The following KCNK12 variants were observed in gnomAD, a reference collection of about 807,000 sequenced individuals.
KCNK12 encodes the protein potassium channel subfamily K member 12.
In KCNK12, 6 loss-of-function variants were observed where a neutral mutation model predicts 25.3. That is an observed-to-expected ratio of 0.24 (90% confidence interval 0.13 to 0.47). KCNK12 has a LOEUF of 0.47. Ranked by LOEUF, KCNK12 falls within the 20% of genes least tolerant of loss-of-function variation. The pLI is 0.99. For synonymous variants in KCNK12, 331 were observed against 311.1 expected (o/e 1.06, Z -0.67); for missense variants, 444 against 661.7 (o/e 0.67, Z 3.61).
At chr2:47,550,885 G>C (rs1468902093) in intron 1 of KCNK12, among the ~76,000 whole-genome samples, 3 of 152,016 alleles carry the variant, frequency 2.0e-5, no homozygotes, top group Non-Finnish European at 4.4e-5. Context: ...TATTTCAAAA[G>C]CCTGCTAATG....
rs372511487 is a variant in KCNK12 at position 47,570,140 on chromosome 2, G to C, written c.192C>G (p.Gly64=). 2.1e-6 allele frequency: 3 copies of C among 1,452,880 alleles called. No individual in the cohort carries two copies. Among genetic ancestry groups the C allele is most frequent in the Non-Finnish European group, 1.8e-6 (2 of 1,104,068 alleles). 90.0% of individuals were successfully genotyped at this position (1,452,880 alleles called of 1,614,324 possible). A position where few individuals can be genotyped will look rare whatever the true frequency, so the allele number is the denominator to read the frequency against. The part of the protein sequence containing the change: ...ATVFSALESP[G]EAEARARWGA... ...CCCAGCGCGCCCGCGCCTCCGCCTCGCCGGGGCTCTCGAGCGCCGAGAAGA... is the reference window on the plus strand; with the variant it reads ...CCCAGCGCGCCCGCGCCTCCGCCTCCCCGGGGCTCTCGAGCGCCGAGAAGA... The change falls in exon 1 of 2, where the codon GGC becomes GGG. Residue 64 remains glycine, a synonymous_variant. Transcript: ENST00000327876.
Position 47,520,822 on chromosome 2 carries a change from A to G in KCNK12, c.*85T>C, listed in dbSNP as rs1668635195. 1.1e-6 allele frequency: 1 copy of G among 940,058 alleles called. No homozygotes were observed. The highest frequency in any genetic ancestry group is 1.4e-6 in the Non-Finnish European group (1 of 720,820). The allele number at this position is 940,058 out of a possible 1,614,324, so 58.2% of individuals were successfully genotyped here. A position where few individuals can be genotyped will look rare whatever the true frequency, so the allele number is the denominator to read the frequency against. On this transcript the variant is annotated 3_prime_UTR_variant, in exon 2 of 2. Transcript: ENST00000327876. The surrounding 1 kb of genome is among the most constrained non-coding windows in gnomAD (Gnocchi z 5.0). ...CATTTTATTGGATAAAGATTAAGAA[A>G]GCGCCAGCAGTGACTGAGAGAAGCA...
chr2:47,529,647 ATGAC>A lies in KCNK12; in HGVS notation c.392-7843_392-7840del, dbSNP rs1205852837. On this transcript the variant is annotated intron_variant, in intron 1 of 1. Transcript: ENST00000327876. This position sits in a 1 kb window ranked among gnomAD's most constrained non-coding sequence, Gnocchi z 4.3. ...AATCAGGATAATCCAGTTCCTTACC[ATGAC>A]TGGCTCAAGAATGGGTAGACCTAAG... 1.3e-5 allele frequency among the ~76,000 whole-genome samples: 2 copies of A among 152,336 alleles called. No individual in the cohort carries two copies. Among genetic ancestry groups the A allele is most frequent in the East Asian group, 3.9e-4 (2 of 5,180 alleles).
Position 47,520,859 on chromosome 2 carries a change from G to T in KCNK12, c.*48C>A. On this transcript the variant is annotated 3_prime_UTR_variant, in exon 2 of 2. Transcript: ENST00000327876. This position sits in a 1 kb window ranked among gnomAD's most constrained non-coding sequence, Gnocchi z 5.0. Reference sequence around the variant, plus strand: ...GACTGAGAGAAGCAAACCACGCCCGGCGGCCCCGCGGCCTGGAGAGGGTCC... The same window carrying T: ...GACTGAGAGAAGCAAACCACGCCCGTCGGCCCCGCGGCCTGGAGAGGGTCC... 1 of 1,189,710 alleles carries T rather than the reference G, an allele frequency of 8.4e-7. No homozygotes were observed. Among genetic ancestry groups the T allele is most frequent in the Non-Finnish European group, 1.1e-6 (1 of 948,710 alleles). 73.7% of individuals were successfully genotyped at this position (1,189,710 alleles called of 1,614,324 possible). A position where few individuals can be genotyped will look rare whatever the true frequency, so the allele number is the denominator to read the frequency against.
Position 47,510,888 on chromosome 2 carries a change from T to G in KCNK12, c.*10019A>C, listed in dbSNP as rs1210474703. Reference sequence around the variant, plus strand: ...CTGGGTGAAGCACAGAGCAGCCTAGTGCTTGGCATGGGACTCAGATCTGAA... The same window carrying G: ...CTGGGTGAAGCACAGAGCAGCCTAGGGCTTGGCATGGGACTCAGATCTGAA... On this transcript the variant is annotated 3_prime_UTR_variant, in exon 2 of 2. Coordinates refer to ENST00000327876, the MANE Select transcript of KCNK12 (RefSeq NM_022055.2). 2 of 152,240 alleles carry G rather than the reference T, an allele frequency of 1.3e-5. No individual in the cohort carries two copies. Among genetic ancestry groups the G allele is most frequent in the African/African-American group, 4.8e-5 (2 of 41,452 alleles). The allele number at this position is 152,240 out of a possible 1,614,324, so 9.4% of individuals were successfully genotyped here. A position where few individuals can be genotyped will look rare whatever the true frequency, so the allele number is the denominator to read the frequency against.
rs1669524498 is a variant in KCNK12, at chr2:47,555,081, T to C, written c.391+14860A>G. Among the ~76,000 whole-genome samples, 1 of 152,218 alleles carries C rather than the reference T, an allele frequency of 6.6e-6. No homozygotes were observed. Among genetic ancestry groups the C allele is most frequent in the Non-Finnish European group, 1.5e-5 (1 of 68,042 alleles). Reference sequence around the variant, plus strand: ...TATAGCAGGAATCAGGAGTTCTATTTTGGGCTTTTAAAAGTTTTGATACAT... The same window carrying C: ...TATAGCAGGAATCAGGAGTTCTATTCTGGGCTTTTAAAAGTTTTGATACAT... On this transcript the variant is annotated intron_variant, in intron 1 of 1. Transcript: ENST00000327876. The surrounding 1 kb of genome is among the most constrained non-coding windows in gnomAD (Gnocchi z 4.5).
intron 1 of KCNK12, among the ~76,000 whole-genome samples, chr2:47,526,403 C>T (rs1381143072): frequency 9.6e-6 from 1 of 104,664 alleles, no homozygotes; most frequent in Non-Finnish European, 1.9e-5. Flanking sequence ...GAGACTCCCT[C>T]AGAAAAAAAA....
At chr2:47,539,197 C>T (rs528723656) in intron 1 of KCNK12, among the ~76,000 whole-genome samples, 5 of 152,332 alleles carry the variant, frequency 3.3e-5, no homozygotes, top group African/African-American at 9.6e-5. Flanking sequence ...GCTTGCATGA[C>T]ACCAATCTTC....
chr2:47,570,010 C>A lies in KCNK12; in HGVS notation c.322G>T (p.Asp108Tyr). The change falls in exon 1 of 2, where the codon GAC becomes TAC. Residue 108 changes from aspartate to tyrosine, a missense_variant. Transcript: ENST00000327876. ...EAALAAGVRADALRPRWDFPG... is the reference protein window; with the variant it reads ...EAALAAGVRAYALRPRWDFPG... ...AAGTCCCAGCGCGGGCGCAGCGCGTCGGCGCGGACGCCGGCGGCCAGCGCG... is the reference window on the plus strand; with the variant it reads ...AAGTCCCAGCGCGGGCGCAGCGCGTAGGCGCGGACGCCGGCGGCCAGCGCG... The A allele has an allele frequency of 1.4e-6, 2 of 1,429,514 alleles. No homozygotes were observed. The highest frequency in any genetic ancestry group is 3.1e-5 in the Admixed American group (1 of 32,518). The allele number at this position is 1,429,514 out of a possible 1,614,324, so 88.6% of individuals were successfully genotyped here. A position where few individuals can be genotyped will look rare whatever the true frequency, so the allele number is the denominator to read the frequency against.
At position 47,570,394 on chromosome 2, in the gene KCNK12, G is replaced by A. The variant is rs909360637; in HGVS notation, c.-63C>T. The stretch of plus-strand genomic sequence containing the variant: ...GGGCCCGGGCCACGACATCCCCCCG[G>A]CGGGAGCAGGAGCGTGAGGATGGTG... On this transcript the variant is annotated 5_prime_UTR_variant, in exon 1 of 2. Transcript: ENST00000327876. The A allele has an allele frequency of 9.9e-6, 12 of 1,211,326 alleles. No individual in the cohort carries two copies. The highest frequency in any genetic ancestry group is 1.2e-5 in the Non-Finnish European group (12 of 976,096). 75.0% of individuals were successfully genotyped at this position (1,211,326 alleles called of 1,614,324 possible). A position where few individuals can be genotyped will look rare whatever the true frequency, so the allele number is the denominator to read the frequency against.
intron 1 of KCNK12, among the ~76,000 whole-genome samples, chr2:47,526,405 G>GGA (rs1553377599): frequency 6.6e-5 from 6 of 90,898 alleles, no homozygotes; most frequent in South Asian, 3.8e-4. Context: ...GACTCCCTCA[G>GGA]AAAAAAAAAA....
rs1668849589 is a variant in KCNK12 at position 47,528,726 on chromosome 2, A to T, written c.392-6918T>A. Reference sequence around the variant, plus strand: ...AGACACTTGGGGGCTTTATTATGCCACTTTGACAAAAGCTGTGAAGCTCGT... The same window carrying T: ...AGACACTTGGGGGCTTTATTATGCCTCTTTGACAAAAGCTGTGAAGCTCGT... On this transcript the variant is annotated intron_variant, in intron 1 of 1. Transcript: ENST00000327876. The surrounding 1 kb of genome is among the most constrained non-coding windows in gnomAD (Gnocchi z 4.5). Among the ~76,000 whole-genome samples the T allele has an allele frequency of 6.6e-6, 1 of 152,218 alleles. No individual in the cohort carries two copies. Among genetic ancestry groups the T allele is most frequent in the East Asian group, 1.9e-4 (1 of 5,196 alleles).
At position 47,511,904 on chromosome 2, in the gene KCNK12, T is replaced by C. The variant is rs1203546437; in HGVS notation, c.*9003A>G. On this transcript the variant is annotated 3_prime_UTR_variant, in exon 2 of 2. Transcript: ENST00000327876. The surrounding 1 kb of genome is among the most constrained non-coding windows in gnomAD (Gnocchi z 4.3). ...AATGGGGTTAGTGCAATTGACGAGC[T>C]GAAAATGTAGTTTAAATTCACTTAC... Among the ~76,000 whole-genome samples, 3 of 152,230 alleles carry C rather than the reference T, an allele frequency of 2.0e-5. No homozygotes were observed. Among genetic ancestry groups the C allele is most frequent in the Non-Finnish European group, 4.4e-5 (3 of 68,040 alleles).
At position 47,512,152 on chromosome 2, in the gene KCNK12, TG is replaced by T; in HGVS notation, c.*8754del. The stretch of plus-strand genomic sequence containing the variant: ...TCTTTCCATCCTGCATCCAGATGGC[TG>T]GTCCTGCTCCTCCCAGTCCATGGAG... On this transcript the variant is annotated 3_prime_UTR_variant, in exon 2 of 2. Coordinates refer to ENST00000327876, the MANE Select transcript of KCNK12 (RefSeq NM_022055.2). 1.1e-6 allele frequency: 1 copy of T among 924,474 alleles called. No individual in the cohort carries two copies. Among genetic ancestry groups the T allele is most frequent in the Non-Finnish European group, 1.6e-6 (1 of 636,528 alleles). The allele number at this position is 924,474 out of a possible 1,614,324, so 57.3% of individuals were successfully genotyped here.
intron 1 of KCNK12, among the ~76,000 whole-genome samples, chr2:47,549,413 G>A (rs1364151835): frequency 1.3e-5 from 2 of 152,112 alleles, no homozygotes; most frequent in Admixed American, 1.3e-4. Flanking sequence ...ATGATGTTCT[G>A]ATCTCTAATA....
In KCNK12 at chr2:47,556,145, T is replaced by C. The variant is rs1166606002; in HGVS notation, c.391+13796A>G. ...AAATGGGAAAGTAGCAGGAGGGTGA[T>C]GCAGGGTCTATTAAGAAGGAAGAAT... On this transcript the variant is annotated intron_variant, in intron 1 of 1. Coordinates refer to ENST00000327876, the MANE Select transcript of KCNK12 (RefSeq NM_022055.2). The surrounding 1 kb of genome is among the most constrained non-coding windows in gnomAD (Gnocchi z 4.8). 2.0e-5 allele frequency among the ~76,000 whole-genome samples: 3 copies of C among 152,166 alleles called. No individual in the cohort carries two copies. The highest frequency in any genetic ancestry group is 4.4e-5 in the Non-Finnish European group (3 of 68,028).
chr2:47,544,304 A>G (rs527738477), intron 1 of KCNK12, among the ~76,000 whole-genome samples: 62 of 152,294 alleles, frequency 4.1e-4, no homozygotes, highest in Non-Finnish European at 7.4e-4. Context: ...TTCCCTTTCG[A>G]AGAGCTGTCC....
At chr2:47,561,462 C>T (rs1669667532) in intron 1 of KCNK12, among the ~76,000 whole-genome samples, 1 of 152,198 alleles carries the variant, frequency 6.6e-6, no homozygotes, top group African/African-American at 2.4e-5. Context: ...AGGCAGTGAC[C>T]AACCAGAGTG....
At chr2:47,537,336 C>CTTT (rs5830962) in intron 1 of KCNK12, among the ~76,000 whole-genome samples, 1 of 146,694 alleles carries the variant, frequency 6.8e-6, no homozygotes. Context: ...GATTTTCTTT[C>CTTT]TTTTTTTTTT....
Sources: gnomAD v4.1 joint callset for allele counts (sites outside exome capture counted in the v4.1 genomes callset) on GRCh38, gnomAD v4.1.1 for gene constraint, Gnocchi (gnomAD v3.1) non-coding constraint, MANE v1.5 for transcripts, NCBI Gene and HGNC (gene_info 2026-07-23, HGNC 2026-07-21) for gene names.